TRIM24: variants seen among roughly 807,000 people sequenced by gnomAD.
TRIM24 encodes the protein tripartite motif containing 24, also known as transcription intermediary factor 1-alpha.
TRIM24 carries 29 observed loss-of-function variants against 123.9 expected under a neutral mutation model. That is an observed-to-expected ratio of 0.23 (90% CI 0.17 to 0.32). The LOEUF (loss-of-function observed/expected upper bound fraction) is 0.32. Among genes scored for constraint, TRIM24 ranks in the 10% least tolerant of loss-of-function variants. The pLI is 1.00. For synonymous variants in TRIM24, 456 were observed against 461.1 expected, an observed-to-expected ratio of 0.99 and a Z score of 0.14; for missense variants, 932 against 1,295.3, an observed-to-expected ratio of 0.72 and a Z score of 4.31.
At chr7:138,521,723 A>T (rs1796507797) in intron 4 of TRIM24, among the ~76,000 whole-genome samples, 1 of 152,180 alleles carries the variant, frequency 6.6e-6, no homozygotes, top group African/African-American at 2.4e-5. Flanking sequence ...ATATCTAAAA[A>T]CTCAATGTAT....
intron 1 of TRIM24, among the ~76,000 whole-genome samples, chr7:138,466,688 T>C (rs145225575): frequency 2.0e-5 from 3 of 152,222 alleles, no homozygotes; most frequent in Admixed American, 2.0e-4. Context: ...TAAAGTTCTT[T>C]ATATATATTC....
chr7:138,467,788 A>G (rs1795179285), intron 1 of TRIM24, among the ~76,000 whole-genome samples: 1 of 152,202 alleles, frequency 6.6e-6, no homozygotes, highest in African/African-American at 2.4e-5. Context: ...ATAATGTTAA[A>G]TGATATCGTA....
chr7:138,510,653 C>A (rs1386738330), intron 2 of TRIM24, among the ~76,000 whole-genome samples: 1 of 152,146 alleles, frequency 6.6e-6, no homozygotes, highest in Non-Finnish European at 1.5e-5. Flanking sequence ...AACTCCTGAG[C>A]TCAGGCATAC....
intron 1 of TRIM24, among the ~76,000 whole-genome samples, chr7:138,475,499 A>T (rs923518467): frequency 6.6e-6 from 1 of 152,202 alleles, no homozygotes; most frequent in Non-Finnish European, 1.5e-5. Flanking sequence ...TAACATAGCA[A>T]AATCCAACTC....
chr7:138,499,806 G>GT (rs981975476), intron 1 of TRIM24, among the ~76,000 whole-genome samples: 2,265 of 144,194 alleles, frequency 0.016, 22 homozygotes, highest in African/African-American at 0.027. Context: ...TTAGCATTCT[G>GT]TTTTTTTTTT....
At chr7:138,555,917 G>A (rs1302722583) in intron 9 of TRIM24, among the ~76,000 whole-genome samples, 2 of 152,074 alleles carry the variant, frequency 1.3e-5, no homozygotes, top group Non-Finnish European at 2.9e-5. Context: ...TGGCATGGTC[G>A]ACATCTTACA....
chr7:138,538,513 C>T (rs1326492239), intron 6 of TRIM24, 144 bp from the exon 7 acceptor site: 4 of 937,812 alleles, frequency 4.3e-6, no homozygotes, highest in African/African-American at 3.3e-5. Context: ...ATCCTTTATA[C>T]TAATAGGGAA....
At chr7:138,533,736 A>T (rs2116596885) in intron 6 of TRIM24, among the ~76,000 whole-genome samples, 1 of 152,318 alleles carries the variant, frequency 6.6e-6, no homozygotes, top group South Asian at 2.1e-4. Context: ...TCATAAAATG[A>T]GTTAGGGAGG....
chr7:138,564,029 A>T (rs1797481676), intron 9 of TRIM24, among the ~76,000 whole-genome samples: 1 of 152,210 alleles, frequency 6.6e-6, no homozygotes, highest in Non-Finnish European at 1.5e-5. Flanking sequence ...AAACAGTGTC[A>T]AGAGGAGCTG....
chr7:138,499,779 A>G (rs1023592472), intron 1 of TRIM24, among the ~76,000 whole-genome samples: 3 of 151,314 alleles, frequency 2.0e-5, no homozygotes, highest in African/African-American at 4.9e-5. Context: ...TGTGCTTATT[A>G]TTTGAATGTG....
In TRIM24 at chr7:138,504,349, A is replaced by G; in HGVS notation, c.424A>G (p.Asn142Asp). 1 of 1,604,932 alleles carries G rather than the reference A, an allele frequency of 6.2e-7. No homozygotes were observed. The highest frequency in any genetic ancestry group is 1.3e-5 in the African/African-American group (1 of 74,260). Residue 142 changes from asparagine to aspartate, a missense_variant, in exon 2 of 19, where the codon AAC becomes GAC. Transcript: ENST00000343526. ...ATGTGCAGAGAGACACATCATAGAT[A>G]ACTTTTTTGTGAAGGACACTACTGA... ...QECAERHIID[N>D]FFVKDTTEVP...
intron 2 of TRIM24, among the ~76,000 whole-genome samples, chr7:138,505,125 A>T (rs928945176): frequency 6.6e-6 from 1 of 152,236 alleles, no homozygotes; most frequent in Non-Finnish European, 1.5e-5. Context: ...AAAGGAGCCA[A>T]ACATTAGTTA....
intron 2 of TRIM24, among the ~76,000 whole-genome samples, chr7:138,512,968 G>A (rs1303708087): frequency 6.6e-6 from 1 of 152,154 alleles, no homozygotes; most frequent in African/African-American, 2.4e-5. Context: ...AGGAGCATAG[G>A]TTGTTAGAAG....
rs1437208702 is a variant in TRIM24, at chr7:138,519,250, G to A, written c.693G>A (p.Leu231=). ...VFCPFHKKEQ[L]KLYCETCDKL... ...GTCCTTTTCATAAAAAGGAGCAGCT[G>A]AAGCTGTACTGTGAGACATGTGACA... Residue 231 remains leucine, a synonymous_variant, in exon 4 of 19, where the codon CTG becomes CTA. Coordinates refer to ENST00000343526, the MANE Select transcript of TRIM24 (RefSeq NM_015905.3). 5 of 1,614,138 alleles carry A rather than the reference G, an allele frequency of 3.1e-6. No homozygotes were observed. The highest frequency in any genetic ancestry group is 1.7e-5 in the Admixed American group (1 of 60,014).
At chr7:138,575,971 G>A (rs1348230124) in intron 12 of TRIM24, among the ~76,000 whole-genome samples, 2 of 152,116 alleles carry the variant, frequency 1.3e-5, no homozygotes, top group Non-Finnish European at 2.9e-5. Context: ...ACTGGCACTA[G>A]GGTCTCACTG....
At chr7:138,583,193 T>C (rs751149530) in intron 17 of TRIM24, among the ~76,000 whole-genome samples, 4 of 152,224 alleles carry the variant, frequency 2.6e-5, no homozygotes, top group African/African-American at 9.6e-5. Flanking sequence ...CTTCCTCTTG[T>C]ATAATACATG....
rs1414873497 is a variant in TRIM24, at chr7:138,585,329, A to C, written c.*378A>C. Reference sequence around the variant, plus strand: ...TATGAACTCTTTAAGTTGAAAAGTAAAAAATATATGTGGTTTGGATGTGTG... The same window carrying C: ...TATGAACTCTTTAAGTTGAAAAGTACAAAATATATGTGGTTTGGATGTGTG... On this transcript the variant is annotated 3_prime_UTR_variant, in exon 19 of 19. Coordinates refer to ENST00000343526, the MANE Select transcript of TRIM24 (RefSeq NM_015905.3). 1 of 239,572 alleles carries C rather than the reference A, an allele frequency of 4.2e-6. No homozygotes were observed. The highest frequency in any genetic ancestry group is 6.6e-5 in the East Asian group (1 of 15,076). The allele number at this position is 239,572 out of a possible 1,614,324, so 14.8% of individuals were successfully genotyped here. A position where few individuals can be genotyped will look rare whatever the true frequency, so the allele number is the denominator to read the frequency against.
chr7:138,481,702 T>C (rs1327242469), intron 1 of TRIM24, among the ~76,000 whole-genome samples: 2 of 151,926 alleles, frequency 1.3e-5, no homozygotes, highest in African/African-American at 4.8e-5. Flanking sequence ...TCTCAACTAC[T>C]TGAGAGGCTA....
rs187429513 is a variant in TRIM24 at position 138,528,211 on chromosome 7, C to T, written c.882-905C>T. Among the ~76,000 whole-genome samples the T allele has an allele frequency of 1.2e-4, 18 of 152,270 alleles. 1 individual carries two copies. Among genetic ancestry groups the T allele is most frequent in the Middle Eastern group, 3.4e-3 (1 of 294 alleles). The stretch of plus-strand genomic sequence containing the variant: ...CCGCCCAGGCATGTCTCATGACTTT[C>T]ACTGAGCTGCTTAGATAAAACAATG... On this transcript the variant is annotated intron_variant, in intron 5 of 18. Coordinates refer to ENST00000343526, the MANE Select transcript of TRIM24 (RefSeq NM_015905.3).
Sources: gnomAD v4.1 joint callset for allele counts (sites outside exome capture counted in the v4.1 genomes callset) on GRCh38, gnomAD v4.1.1 for gene constraint, MANE v1.5 for transcripts, NCBI Gene and HGNC (gene_info 2026-07-23, HGNC 2026-07-21) for gene names.